Variants in NLGN1 observed in about 807,000 individuals in gnomAD.
NLGN1 encodes the protein neuroligin 1.
Under a neutral mutation model 65.5 loss-of-function variants are expected in NLGN1, and 12 were observed. That is an observed-to-expected ratio of 0.18 (90% CI 0.12 to 0.30). NLGN1 has a LOEUF of 0.30. Among genes scored for constraint, NLGN1 ranks in the 10% least tolerant of loss-of-function variants. The pLI is 1.00. For synonymous variants in NLGN1, 350 were observed against 359.5 expected, an observed-to-expected ratio of 0.97 and a Z score of 0.30; for missense variants, 750 against 1,007.1, an observed-to-expected ratio of 0.74 and a Z score of 3.46.
intron 2 of NLGN1, among the ~76,000 whole-genome samples, chr3:173,513,791 C>T (rs1166067062): frequency 3.3e-5 from 5 of 151,942 alleles, no homozygotes; most frequent in Non-Finnish European, 5.9e-5. Context: ...TTTGGGAGGC[C>T]GAGGCGGGCG....
At chr3:173,684,227 C>CT (rs1764369927) in intron 3 of NLGN1, among the ~76,000 whole-genome samples, 2 of 151,930 alleles carry the variant, frequency 1.3e-5, no homozygotes, top group South Asian at 2.1e-4. Flanking sequence ...AAATAGAACC[C>CT]TTTTTTTAAA....
intron 2 of NLGN1, among the ~76,000 whole-genome samples, chr3:173,505,351 T>C (rs538048202): frequency 3.3e-5 from 5 of 152,210 alleles, no homozygotes; most frequent in African/African-American, 1.2e-4. Flanking sequence ...CCAGCAGCCA[T>C]ATTGCAACCA....
intron 1 of NLGN1, among the ~76,000 whole-genome samples, chr3:173,416,357 TG>T (rs1455199564): frequency 6.6e-6 from 1 of 152,210 alleles, no homozygotes; most frequent in African/African-American, 2.4e-5. Context: ...ATGCAGAATA[TG>T]CAGCACCTCA....
At chr3:173,958,374 C>A (rs1712653983) in intron 4 of NLGN1, among the ~76,000 whole-genome samples, 3 of 152,172 alleles carry the variant, frequency 2.0e-5, no homozygotes, top group Admixed American at 2.0e-4. Flanking sequence ...AGCTCATCTC[C>A]ACTGGCAGGG....
chr3:173,473,018 T>G (rs1725561478), intron 2 of NLGN1, among the ~76,000 whole-genome samples: 2 of 152,162 alleles, frequency 1.3e-5, no homozygotes, highest in South Asian at 4.1e-4. Context: ...GATAAATATA[T>G]TGAGGAATCA....
chr3:173,965,535 T>C (rs1248069866), intron 4 of NLGN1, among the ~76,000 whole-genome samples: 1 of 150,028 alleles, frequency 6.7e-6, no homozygotes, highest in African/African-American at 2.5e-5. Context: ...GCCAGAATGG[T>C]CTCGAACTAC....
chr3:173,858,784 A>T (rs2150785254), intron 4 of NLGN1, among the ~76,000 whole-genome samples: 1 of 152,216 alleles, frequency 6.6e-6, no homozygotes, highest in South Asian at 2.1e-4. Flanking sequence ...AATCGCATAG[A>T]TAGTTTATAT....
At chr3:173,771,440 A>G (rs971003201) in intron 3 of NLGN1, among the ~76,000 whole-genome samples, 1 of 152,242 alleles carries the variant, frequency 6.6e-6, no homozygotes, top group Non-Finnish European at 1.5e-5. Context: ...GAGGAATGTT[A>G]TAATTCAAGA....
intron 4 of NLGN1, among the ~76,000 whole-genome samples, chr3:174,266,046 AT>A (rs57391307): frequency 0.18 from 26,286 of 145,300 alleles, 2,929 homozygotes; most frequent in African/African-American, 0.31. Context: ...ATATATATAT[AT>A]TTTTTTTTTC....
intron 4 of NLGN1, among the ~76,000 whole-genome samples, chr3:174,256,927 A>G (rs559591874): frequency 3.9e-5 from 6 of 152,234 alleles, no homozygotes; most frequent in Non-Finnish European, 8.8e-5. Context: ...TAATTAAACT[A>G]AAGAGATTCT....
intron 4 of NLGN1, among the ~76,000 whole-genome samples, chr3:173,854,585 C>T (rs374841722): frequency 4.6e-5 from 7 of 151,800 alleles, no homozygotes; most frequent in East Asian, 3.9e-4. Flanking sequence ...TCAATGTTTG[C>T]GTTGATTTTT....
intron 2 of NLGN1, among the ~76,000 whole-genome samples, chr3:173,456,768 C>G (rs760098350): frequency 2.0e-5 from 3 of 152,004 alleles, no homozygotes; most frequent in Non-Finnish European, 4.4e-5. Context: ...GAGTATTTAC[C>G]AGAGCTTGGT....
chr3:173,745,420 T>C (rs1389241917), intron 3 of NLGN1, among the ~76,000 whole-genome samples: 1 of 152,146 alleles, frequency 6.6e-6, no homozygotes, highest in East Asian at 1.9e-4. Context: ...ACTAATTTAA[T>C]TAAATAAATT....
intron 4 of NLGN1, among the ~76,000 whole-genome samples, chr3:174,013,278 A>C (rs1259895659): frequency 6.6e-6 from 1 of 152,142 alleles, no homozygotes; most frequent in African/African-American, 2.4e-5. Flanking sequence ...TCATACTGGT[A>C]ATATTTTGTC....
At chr3:173,741,395 T>G (rs1774624834) in intron 3 of NLGN1, among the ~76,000 whole-genome samples, 1 of 152,098 alleles carries the variant, frequency 6.6e-6, no homozygotes. Flanking sequence ...AGGGACACAC[T>G]GATGTTCCAG....
intron 4 of NLGN1, among the ~76,000 whole-genome samples, chr3:173,997,273 A>G (rs1228870237): frequency 2.0e-5 from 3 of 152,100 alleles, no homozygotes; most frequent in Non-Finnish European, 4.4e-5. Context: ...TGGAGGAACA[A>G]TGTTCCCACC....
At chr3:174,200,836 A>C (rs1154876) in intron 4 of NLGN1, among the ~76,000 whole-genome samples, 3 of 152,076 alleles carry the variant, frequency 2.0e-5, no homozygotes, top group African/African-American at 7.2e-5. Context: ...TAACCATCAG[A>C]CACAACTATT....
intron 2 of NLGN1, among the ~76,000 whole-genome samples, chr3:173,580,783 A>C (rs1310417213): frequency 3.9e-5 from 6 of 152,038 alleles, no homozygotes; most frequent in Non-Finnish European, 1.5e-5. Flanking sequence ...CTTCAGTTCT[A>C]TATTAATATC....
chr3:173,834,285 G>A (rs1278190571), intron 4 of NLGN1, among the ~76,000 whole-genome samples: 1 of 151,942 alleles, frequency 6.6e-6, no homozygotes, highest in Non-Finnish European at 1.5e-5. Context: ...CATTTTGATG[G>A]TGGGCATGGC....
Sources: gnomAD v4.1 joint callset for allele counts (sites outside exome capture counted in the v4.1 genomes callset) on GRCh38, gnomAD v4.1.1 for gene constraint, MANE v1.5 for transcripts, NCBI Gene and HGNC (gene_info 2026-07-23, HGNC 2026-07-21) for gene names.